The following KCND3 variants were observed in gnomAD, a reference collection of about 807,000 sequenced individuals.
KCND3 encodes potassium voltage-gated channel subfamily D member 3.
In KCND3, 9 loss-of-function variants were observed where a neutral mutation model predicts 51.1. The ratio of observed to expected loss-of-function variants is 0.18; its 90% CI spans 0.11 to 0.31. KCND3 has a LOEUF of 0.31. Among genes scored for constraint, KCND3 ranks in the 10% least tolerant of loss-of-function variants. The pLI, the probability that KCND3 is intolerant of heterozygous loss-of-function variation, is 1.00. For synonymous variants in KCND3, 349 were observed against 368.0 expected, an observed-to-expected ratio of 0.95 and a Z score of 0.59; for missense variants, 526 against 903.8, an observed-to-expected ratio of 0.58 and a Z score of 5.36.
chr1:111,806,650 A>G (rs1172091477), intron 2 of KCND3, among the ~76,000 whole-genome samples: 1 of 152,252 alleles, frequency 6.6e-6, no homozygotes, highest in African/African-American at 2.4e-5. Flanking sequence ...ATGCTGGATG[A>G]AATATAACAA....
chr1:111,900,744 G>T (rs1350432712), intron 2 of KCND3, among the ~76,000 whole-genome samples: 2 of 152,102 alleles, frequency 1.3e-5, no homozygotes, highest in Non-Finnish European at 2.9e-5. Flanking sequence ...ATCACCTGAG[G>T]TCAGGAATTC....
intron 3 of KCND3, among the ~76,000 whole-genome samples, chr1:111,784,578 G>T (rs1221252024): frequency 6.6e-6 from 1 of 152,124 alleles, no homozygotes; most frequent in Non-Finnish European, 1.5e-5. Flanking sequence ...ATGTGGTCTG[G>T]GCTGAGAACT....
At chr1:111,957,997 C>G (rs184580489) in intron 2 of KCND3, among the ~76,000 whole-genome samples, 4 of 152,272 alleles carry the variant, frequency 2.6e-5, no homozygotes, top group East Asian at 1.9e-4. Flanking sequence ...CTGGGCAGAG[C>G]TGACTTTCTA....
At chr1:111,849,507 C>A (rs1488035060) in intron 2 of KCND3, among the ~76,000 whole-genome samples, 1 of 152,222 alleles carries the variant, frequency 6.6e-6, no homozygotes, top group African/African-American at 2.4e-5. Context: ...CCCAGTGCCC[C>A]TGAGTCCCTC....
intron 2 of KCND3, among the ~76,000 whole-genome samples, chr1:111,829,512 A>AG (rs1182084086): frequency 3.9e-5 from 6 of 152,134 alleles, no homozygotes; most frequent in African/African-American, 1.4e-4. Flanking sequence ...ATTAAGTTGG[A>AG]GAATGGTCTT....
rs145488964 is a variant in KCND3 at position 111,817,566 on chromosome 1, C to T, written c.1107-30460G>A. On this transcript the variant is annotated intron_variant, in intron 2 of 7. Coordinates refer to ENST00000302127, the MANE Select transcript of KCND3 (RefSeq NM_001378969.1). ...ATGACTGAAAAAAGACAAACAGTAA[C>T]ATGACAATGTTAACAGTGGTTGGGT... is the stretch of plus-strand genomic sequence containing the variant. Among the ~76,000 whole-genome samples, 159 of 152,290 alleles carry T rather than the reference C, an allele frequency of 1.0e-3. 4 individuals are homozygous for T. The East Asian group carries it at 0.028, about 27-fold the overall frequency.
intron 2 of KCND3, among the ~76,000 whole-genome samples, chr1:111,853,494 C>T (rs933702802): frequency 9.9e-5 from 15 of 152,158 alleles, no homozygotes; most frequent in Non-Finnish European, 1.9e-4. Flanking sequence ...CACATTTTTG[C>T]TCAAATGTCA....
At chr1:111,776,879 C>T (rs1240642464) in intron 7 of KCND3, 147 bp downstream of exon 7, 1 of 1,474,586 alleles carries the variant, frequency 6.8e-7, no homozygotes, top group South Asian at 1.2e-5. Flanking sequence ...GGTTTCCTTG[C>T]AAGGAAAGGA....
At chr1:111,801,594 C>G (rs1245624871) in intron 2 of KCND3, among the ~76,000 whole-genome samples, 1 of 152,154 alleles carries the variant, frequency 6.6e-6, no homozygotes, top group Non-Finnish European at 1.5e-5. Context: ...AGCCCCAGGC[C>G]AGGCCAGATT....
intron 2 of KCND3, among the ~76,000 whole-genome samples, chr1:111,899,039 G>A (rs1670259445): frequency 6.6e-6 from 1 of 152,180 alleles, no homozygotes; most frequent in African/African-American, 2.4e-5. Flanking sequence ...AGCTGTGGCA[G>A]GAGTACTCTC....
intron 2 of KCND3, among the ~76,000 whole-genome samples, chr1:111,899,585 C>T (rs1304452146): frequency 6.6e-6 from 1 of 152,190 alleles, no homozygotes; most frequent in Non-Finnish European, 1.5e-5. Flanking sequence ...GGGGGTCTGC[C>T]ACAGTGAGGA....
Position 111,778,178 on chromosome 1 carries a change from C to T in KCND3, c.1518+258G>A, listed in dbSNP as rs535317. 0.13 allele frequency among the ~76,000 whole-genome samples: 19,513 copies of T among 152,100 alleles called. 1,397 individuals carry two copies. The highest frequency in any genetic ancestry group is 0.18 in the Admixed American group (2,790 of 15,282). ...TGGCACTTGGAGACTAACAGGATAC[C>T]AGCACTGGTGCCATGTTCCACCACC... On this transcript the variant is annotated intron_variant, in intron 6 of 7. Transcript: ENST00000302127.
intron 2 of KCND3, among the ~76,000 whole-genome samples, chr1:111,811,327 C>T (rs1665837609): frequency 6.6e-6 from 1 of 152,090 alleles, no homozygotes; most frequent in Non-Finnish European, 1.5e-5. Context: ...TGGTGAAAAT[C>T]AGATGGAAAA....
intron 2 of KCND3, among the ~76,000 whole-genome samples, chr1:111,805,657 T>C (rs1665530657): frequency 6.6e-6 from 1 of 152,040 alleles, no homozygotes; most frequent in African/African-American, 2.4e-5. Context: ...ACCAAACTCC[T>C]TGAGAACAAG....
intron 2 of KCND3, among the ~76,000 whole-genome samples, chr1:111,975,989 C>G (rs1217476522): frequency 6.6e-6 from 1 of 152,194 alleles, no homozygotes; most frequent in Non-Finnish European, 1.5e-5. Context: ...CCCAGGCCCC[C>G]ACACTCAGCA....
intron 2 of KCND3, among the ~76,000 whole-genome samples, chr1:111,916,057 A>G (rs1418211460): frequency 6.6e-6 from 1 of 152,172 alleles, no homozygotes; most frequent in Admixed American, 6.5e-5. Context: ...AGACTTGAAC[A>G]ATCCCATCAA....
intron 2 of KCND3, among the ~76,000 whole-genome samples, chr1:111,800,732 G>T (rs894018110): frequency 6.6e-6 from 1 of 152,184 alleles, no homozygotes; most frequent in East Asian, 1.9e-4. Context: ...GAAGCCACTT[G>T]CCCCCTGCCT....
At chr1:111,879,351 G>A (rs2101733613) in intron 2 of KCND3, among the ~76,000 whole-genome samples, 2 of 152,262 alleles carry the variant, frequency 1.3e-5, no homozygotes, top group Admixed American at 1.3e-4. Context: ...GTGGTTCTGA[G>A]TCAAAGTGTT....
chr1:111,828,326 C>G (rs376751208), intron 2 of KCND3, among the ~76,000 whole-genome samples: 157 of 152,238 alleles, frequency 1.0e-3, no homozygotes, highest in Middle Eastern at 3.4e-3. Flanking sequence ...TACCTGTGGC[C>G]ATCTCAAAAT....
Sources: allele counts gnomAD v4.1 joint callset (sites outside exome capture counted in the v4.1 genomes callset), GRCh38; gene constraint gnomAD v4.1.1; transcripts MANE v1.5; gene names NCBI Gene and HGNC (gene_info 2026-07-23, HGNC 2026-07-21).